Variants in NBAS observed in about 807,000 individuals in gnomAD.
NBAS encodes the protein NBAS subunit of NRZ tethering complex.
In NBAS, 219 loss-of-function variants were observed where a neutral mutation model predicts 302.5. That is an observed-to-expected ratio of 0.72 (90% CI 0.65 to 0.81). The LOEUF (loss-of-function observed/expected upper bound fraction) is 0.81, where lower values mean the gene tolerates loss of function less well. Ranked by LOEUF, NBAS falls within the 30% of genes least tolerant of loss-of-function variation. The probability of loss-of-function intolerance (pLI) is 0.00; values close to 1 mark genes in which losing one functional copy is unlikely to be tolerated. For missense variants in NBAS, 2,932 were observed against 2,841.6 expected (o/e 1.03, Z -0.72); for synonymous variants, 1,118 against 1,021.6 (o/e 1.09, Z -1.80).
chr2:15,511,030 A>T (rs187953169), intron 10 of NBAS, among the ~76,000 whole-genome samples, 182 bp downstream of exon 10: 23 of 152,372 alleles, frequency 1.5e-4, no homozygotes, highest in Non-Finnish European at 2.9e-4. Flanking sequence ...CAAGTTAAAT[A>T]CAATATGCCT....
chr2:15,548,144 T>C (rs1664205565), intron 6 of NBAS, among the ~76,000 whole-genome samples: 1 of 152,246 alleles, frequency 6.6e-6, no homozygotes, highest in African/African-American at 2.4e-5. Flanking sequence ...ACATACTTTG[T>C]TGGTATATTC....
At chr2:14,925,440 T>C in the NBAS span, among the ~76,000 whole-genome samples, 1 of 152,200 alleles carries the variant, frequency 6.6e-6, no homozygotes, top group Admixed American at 6.5e-5. Context: ...CTTTGCCAAT[T>C]ATTAATTAAA....
intron 21 of NBAS, among the ~76,000 whole-genome samples, chr2:15,458,648 G>A (rs1055682008): frequency 6.6e-6 from 1 of 152,130 alleles, no homozygotes; most frequent in Admixed American, 6.5e-5. Flanking sequence ...GTGCAACTGT[G>A]AGCCAATTAA....
chr2:14,886,475 G>A, the NBAS span, among the ~76,000 whole-genome samples: 1 of 152,172 alleles, frequency 6.6e-6, no homozygotes, highest in East Asian at 1.9e-4. Context: ...CCTTTAAAAT[G>A]ATCTGTGGGT....
chr2:14,817,967 T>C, the NBAS span, among the ~76,000 whole-genome samples: 4 of 152,096 alleles, frequency 2.6e-5, no homozygotes, highest in Non-Finnish European at 5.9e-5. Flanking sequence ...GATTCTTTCC[T>C]GCTCTACACA....
chr2:14,794,680 A>C, the NBAS span, among the ~76,000 whole-genome samples: 1 of 152,176 alleles, frequency 6.6e-6, no homozygotes, highest in East Asian at 1.9e-4. Flanking sequence ...TCTTGAACCA[A>C]TTCCTGCAAT....
Position 15,292,580 on chromosome 2 carries a change from C to T in NBAS, c.4984G>A (p.Ala1662Thr), listed in dbSNP as rs766984002. 6.2e-7 allele frequency: 1 copy of T among 1,614,200 alleles called. No individual in the cohort carries two copies. ...GTTTCCCTTTTATACTGGTCATCTGCAGTAAACCGCTGCACGTCCACACCC... is the reference window on the plus strand; with the variant it reads ...GTTTCCCTTTTATACTGGTCATCTGTAGTAAACCGCTGCACGTCCACACCC... ...RKGVDVQRFT[A>T]DDQYKRETIL... Residue 1662 changes from alanine (A) to threonine (T), a missense_variant, in exon 41 of 52, where the codon GCA becomes ACA. Coordinates refer to ENST00000281513, the MANE Select transcript of NBAS (RefSeq NM_015909.4).
intron 3 of NBAS, among the ~76,000 whole-genome samples, chr2:15,555,760 C>A (rs1470861129): frequency 1.3e-5 from 2 of 152,096 alleles, no homozygotes; most frequent in Admixed American, 1.3e-4. Flanking sequence ...CAAAAAGATA[C>A]CTACTTCTGA....
the NBAS span, among the ~76,000 whole-genome samples, chr2:14,997,980 C>T: frequency 1.3e-5 from 2 of 152,018 alleles, no homozygotes; most frequent in South Asian, 4.1e-4. Flanking sequence ...TTCCTTTCTC[C>T]TCGCTTTTTC....
chr2:14,799,377 T>C, the NBAS span, among the ~76,000 whole-genome samples: 1 of 152,134 alleles, frequency 6.6e-6, no homozygotes, highest in Non-Finnish European at 1.5e-5. Context: ...GTTATTGTTC[T>C]ATTATTGACT....
chr2:15,085,248 G>A, the NBAS span, among the ~76,000 whole-genome samples: 2 of 152,120 alleles, frequency 1.3e-5, no homozygotes, highest in Admixed American at 6.5e-5. Context: ...AAGTGAGAGC[G>A]GCACCCACTT....
intron 25 of NBAS, among the ~76,000 whole-genome samples, chr2:15,404,581 C>T (rs767533599): frequency 1.5e-4 from 22 of 151,298 alleles, no homozygotes; most frequent in Non-Finnish European, 2.8e-4. Flanking sequence ...GGTGCAATCT[C>T]GGCTCACAGC....
intron 36 of NBAS, among the ~76,000 whole-genome samples, chr2:15,329,488 C>T (rs1252563839): frequency 6.6e-6 from 1 of 152,214 alleles, no homozygotes; most frequent in African/African-American, 2.4e-5. Context: ...TTCTACAGCA[C>T]TTAAATGAGC....
chr2:15,049,547 T>C, the NBAS span, among the ~76,000 whole-genome samples: 2 of 152,178 alleles, frequency 1.3e-5, no homozygotes, highest in African/African-American at 4.8e-5. Context: ...TGAGGGGCTG[T>C]TAAACAACTC....
At chr2:15,429,944 G>GGAT (rs370009191) in intron 21 of NBAS, among the ~76,000 whole-genome samples, 13 of 152,116 alleles carry the variant, frequency 8.5e-5, no homozygotes, top group African/African-American at 2.9e-4. Flanking sequence ...CTGGATACAA[G>GGAT]GATGATGATG....
At chr2:14,883,082 G>A in the NBAS span, among the ~76,000 whole-genome samples, 2 of 152,134 alleles carry the variant, frequency 1.3e-5, no homozygotes, top group African/African-American at 4.8e-5. Flanking sequence ...CGTGAAATAC[G>A]TCAACTTAAG....
intron 21 of NBAS, among the ~76,000 whole-genome samples, chr2:15,439,678 G>A (rs537094492): frequency 4.3e-4 from 66 of 152,288 alleles, no homozygotes; most frequent in African/African-American, 1.4e-3. Context: ...GCAGCGCGCC[G>A]TGCACAAGCC....
At chr2:15,429,252 T>A (rs11675921) in intron 21 of NBAS, among the ~76,000 whole-genome samples, 1 of 151,822 alleles carries the variant, frequency 6.6e-6, no homozygotes, top group Admixed American at 6.6e-5. Flanking sequence ...CATGAATCCA[T>A]GAAAACAACT....
intron 40 of NBAS, among the ~76,000 whole-genome samples, chr2:15,306,501 G>C (rs938071677): frequency 4.6e-5 from 7 of 152,162 alleles, no homozygotes; most frequent in African/African-American, 1.4e-4. Context: ...ATGAATGAAA[G>C]CCTATCTACC....
Sources: allele counts gnomAD v4.1 joint callset (sites outside exome capture counted in the v4.1 genomes callset), GRCh38; gene constraint gnomAD v4.1.1; transcripts MANE v1.5; gene names NCBI Gene and HGNC (gene_info 2026-07-23, HGNC 2026-07-21).